Variants in PARM1 observed in about 807,000 individuals in gnomAD.
PARM1 encodes the protein prostate androgen-regulated mucin-like protein 1, also known as WSC4, cell wall integrity and stress response component 4 homolog.
Under a neutral mutation model 24.6 loss-of-function variants are expected in PARM1, and 14 were observed. That is an observed-to-expected ratio of 0.57 (90% CI 0.38 to 0.89). The LOEUF (loss-of-function observed/expected upper bound fraction) is 0.89, where lower values mean the gene tolerates loss of function less well. PARM1 is among the 40% of genes least tolerant of loss of function. The pLI is 0.00. For synonymous variants in PARM1, 179 were observed against 156.6 expected (o/e 1.14, Z -1.07); for missense variants, 362 against 380.4 (o/e 0.95, Z 0.40).
At chr4:74,942,312 G>A (rs533696093) in intron 1 of PARM1, among the ~76,000 whole-genome samples, 1 of 152,310 alleles carries the variant, frequency 6.6e-6, no homozygotes, top group East Asian at 1.9e-4. Context: ...GAATCTACAT[G>A]TGCTAAACAC....
chr4:74,969,239 G>A (rs1721973435), intron 1 of PARM1, among the ~76,000 whole-genome samples: 1 of 152,196 alleles, frequency 6.6e-6, no homozygotes, highest in Non-Finnish European at 1.5e-5. Flanking sequence ...CCTTGTCGTT[G>A]TGTTGAGGGG....
At chr4:74,968,280 G>A (rs1721947038) in intron 1 of PARM1, among the ~76,000 whole-genome samples, 1 of 152,128 alleles carries the variant, frequency 6.6e-6, no homozygotes, top group Non-Finnish European at 1.5e-5. Context: ...ATAAACTTGA[G>A]CATTTGTTTC....
At chr4:74,995,769 C>T (rs1722565298) in intron 1 of PARM1, among the ~76,000 whole-genome samples, 1 of 152,176 alleles carries the variant, frequency 6.6e-6, no homozygotes, top group Non-Finnish European at 1.5e-5. Flanking sequence ...GCAGCTTTTC[C>T]TGCCTCCAGA....
chr4:75,010,389 A>G (rs1161168641), intron 1 of PARM1, among the ~76,000 whole-genome samples: 3 of 152,216 alleles, frequency 2.0e-5, no homozygotes, highest in African/African-American at 4.8e-5. Context: ...TAATAGGCAC[A>G]GAGTTTGAGT....
rs568047144 is a variant in PARM1 at position 74,984,806 on chromosome 4, A to AT, written c.44-27612dup. On this transcript the variant is annotated intron_variant, in intron 1 of 3. Transcript: ENST00000307428. Reference sequence around the variant, plus strand: ...TTTTTGTTCAACCTGTGAATTAAACATTTTTTTATTTTTAAAAGATTGTTA... The same window carrying AT: ...TTTTTGTTCAACCTGTGAATTAAACATTTTTTTTATTTTTAAAAGATTGTTA... 3.4e-3 allele frequency among the ~76,000 whole-genome samples: 511 copies of AT among 152,278 alleles called. 5 individuals carry two copies. The highest frequency in any genetic ancestry group is 0.011 in the African/African-American group (472 of 41,564).
At chr4:75,031,833 T>C (rs1193693601) in intron 2 of PARM1, among the ~76,000 whole-genome samples, 1 of 152,220 alleles carries the variant, frequency 6.6e-6, no homozygotes, top group Non-Finnish European at 1.5e-5. Context: ...CTGTATCTTT[T>C]TGAATCTTAA....
intron 3 of PARM1, among the ~76,000 whole-genome samples, chr4:75,036,846 G>A (rs1226441548): frequency 1.3e-5 from 2 of 152,018 alleles, no homozygotes; most frequent in African/African-American, 4.8e-5. Flanking sequence ...GATATACAGT[G>A]GCATAAATAT....
chr4:74,935,630 T>C (rs1422394408), intron 1 of PARM1, among the ~76,000 whole-genome samples: 1 of 152,174 alleles, frequency 6.6e-6, no homozygotes, highest in Non-Finnish European at 1.5e-5. Context: ...AGCCATAGGC[T>C]TCAACAATAT....
chr4:74,982,889 A>G (rs577227470), intron 1 of PARM1, among the ~76,000 whole-genome samples: 1 of 152,322 alleles, frequency 6.6e-6, no homozygotes, highest in East Asian at 1.9e-4. Flanking sequence ...CTCACTATTC[A>G]GAGGACAGCT....
chr4:74,938,832 A>G (rs1217450379), intron 1 of PARM1, among the ~76,000 whole-genome samples: 1 of 152,184 alleles, frequency 6.6e-6, no homozygotes, highest in African/African-American at 2.4e-5. Flanking sequence ...GCCATTGTGT[A>G]AGTAATAGAA....
chr4:74,960,212 T>C (rs1721738907), intron 1 of PARM1, among the ~76,000 whole-genome samples: 1 of 152,228 alleles, frequency 6.6e-6, no homozygotes, highest in Non-Finnish European at 1.5e-5. Context: ...GTTGCACCCC[T>C]TTCTTCACGT....
intron 1 of PARM1, among the ~76,000 whole-genome samples, chr4:74,947,370 A>AG (rs1053971659): frequency 4.6e-5 from 7 of 152,212 alleles, no homozygotes; most frequent in African/African-American, 1.7e-4. Context: ...GGAAAAAAAA[A>AG]GAGATTGAGA....
At chr4:74,971,733 C>G (rs1445426119) in intron 1 of PARM1, among the ~76,000 whole-genome samples, 5 of 152,188 alleles carry the variant, frequency 3.3e-5, no homozygotes, top group Non-Finnish European at 4.4e-5. Flanking sequence ...ATTGCACACT[C>G]CATCACCTAC....
intron 1 of PARM1, among the ~76,000 whole-genome samples, chr4:75,002,931 G>C (rs1313354024): frequency 1.3e-5 from 2 of 152,206 alleles, no homozygotes; most frequent in Admixed American, 1.3e-4. Flanking sequence ...ATCTTAATTT[G>C]TAAGTTACAT....
intron 1 of PARM1, chr4:74,994,349 ATGACATT>A (rs1722534584): frequency 6.6e-6 from 1 of 152,214 alleles, no homozygotes; most frequent in South Asian, 2.1e-4. Context: ...GCTTCAGCAG[ATGACATT>A]CATCGTCATG....
At position 74,971,130 on chromosome 4, in the gene PARM1, C is replaced by T. The variant is rs59983721; in HGVS notation, c.43+37760C>T. Among the ~76,000 whole-genome samples the T allele has an allele frequency of 2.4e-3, 371 of 152,276 alleles. 1 individual carries two copies. The highest frequency in any genetic ancestry group is 8.2e-3 in the African/African-American group (342 of 41,568). On this transcript the variant is annotated intron_variant, in intron 1 of 3. Transcript: ENST00000307428. ...AGGGCAAATAAAGACATATCCAAGA[C>T]TGGGTATTTATAAAGAAAAAGAGGT...
chr4:75,008,901 G>A (rs1454421316), intron 1 of PARM1, among the ~76,000 whole-genome samples: 1 of 150,566 alleles, frequency 6.6e-6, no homozygotes, highest in African/African-American at 2.5e-5. Flanking sequence ...ATTACATGAT[G>A]CTATGAATGG....
At chr4:74,982,647 C>CT (rs752768470) in intron 1 of PARM1, among the ~76,000 whole-genome samples, 74 of 152,068 alleles carry the variant, frequency 4.9e-4, no homozygotes, top group Non-Finnish European at 9.3e-4. Flanking sequence ...GAGACTGTGC[C>CT]ACCATTGTTG....
At chr4:74,936,445 T>TG (rs1553967296) in intron 1 of PARM1, among the ~76,000 whole-genome samples, 18 of 68,682 alleles carry the variant, frequency 2.6e-4, no homozygotes, top group Admixed American at 4.5e-4. Context: ...AGTGTTTTTT[T>TG]TTTGTTTGTT....
Sources: gnomAD v4.1 joint callset for allele counts (sites outside exome capture counted in the v4.1 genomes callset) on GRCh38, gnomAD v4.1.1 for gene constraint, MANE v1.5 for transcripts, NCBI Gene and HGNC (gene_info 2026-07-23, HGNC 2026-07-21) for gene names.